The following GALNT13 variants were observed in gnomAD, a reference collection of about 807,000 sequenced individuals.
GALNT13 encodes polypeptide N-acetylgalactosaminyltransferase 13, also known as UDP-GalNAc:polypeptide N-acetylgalactosaminyltransferase 13.
GALNT13 carries 28 observed loss-of-function variants against 64.2 expected under a neutral mutation model. That is an observed-to-expected ratio of 0.44 (90% confidence interval 0.32 to 0.60). The LOEUF (loss-of-function observed/expected upper bound fraction) is 0.60, where lower values mean the gene tolerates loss of function less well. GALNT13 is among the 20% of genes least tolerant of loss of function. The pLI is 0.05. For missense variants in GALNT13, 577 were observed against 669.8 expected (o/e 0.86, Z 1.53); for synonymous variants, 214 against 224.6 (o/e 0.95, Z 0.42).
At chr2:154,432,006 T>A (rs1700733570) in intron 11 of GALNT13, among the ~76,000 whole-genome samples, 1 of 152,156 alleles carries the variant, frequency 6.6e-6, no homozygotes, top group South Asian at 2.1e-4. Flanking sequence ...GACTAAAACA[T>A]CATCTATGAA....
At chr2:153,414,387 A>T in the GALNT13 span, among the ~76,000 whole-genome samples, 12 of 144,128 alleles carry the variant, frequency 8.3e-5, no homozygotes, top group Admixed American at 6.8e-4. Context: ...AAATAAAAAT[A>T]AAAAAAAAAT....
the GALNT13 span, among the ~76,000 whole-genome samples, chr2:153,107,791 C>T: frequency 1.3e-5 from 2 of 152,004 alleles, no homozygotes; most frequent in Non-Finnish European, 2.9e-5. Context: ...AGAAATAGCT[C>T]CACATTGCAG....
chr2:153,824,699 A>T, the GALNT13 span, among the ~76,000 whole-genome samples: 1 of 152,124 alleles, frequency 6.6e-6, no homozygotes, highest in Non-Finnish European at 1.5e-5. Flanking sequence ...TTCAGTTATA[A>T]TTCCTAATGT....
At chr2:153,751,266 A>C in the GALNT13 span, among the ~76,000 whole-genome samples, 2 of 152,004 alleles carry the variant, frequency 1.3e-5, no homozygotes, top group African/African-American at 4.8e-5. Context: ...GTGCTGAGGA[A>C]AAGAATGCAT....
intron 4 of GALNT13, among the ~76,000 whole-genome samples, chr2:154,155,952 A>G (rs920533455): frequency 4.6e-5 from 7 of 152,012 alleles, no homozygotes; most frequent in Admixed American, 3.9e-4. Flanking sequence ...ACATATATTT[A>G]TGTATTGCAT....
chr2:154,354,898 G>A (rs1221859553), intron 9 of GALNT13, among the ~76,000 whole-genome samples: 1 of 151,498 alleles, frequency 6.6e-6, no homozygotes, highest in Non-Finnish European at 1.5e-5. Context: ...TCGAATGCCA[G>A]TGTTTCTATA....
chr2:153,431,385 CA>C, the GALNT13 span, among the ~76,000 whole-genome samples: 1 of 149,990 alleles, frequency 6.7e-6, no homozygotes, highest in Non-Finnish European at 1.5e-5. Flanking sequence ...AGATGTCTTT[CA>C]GCTAATAAAT....
At position 153,898,286 on chromosome 2, in the gene GALNT13, T is replaced by A. The variant is rs137972103; in HGVS notation, c.-176-2650T>A. On this transcript the variant is annotated intron_variant, in intron 1 of 12. Transcript: ENST00000392825. Reference sequence around the variant, plus strand: ...TTAGGTGTATATATTTTTTAGGATATGTGAACAGTTTCAGATTTAGGTGGC... The same window carrying A: ...TTAGGTGTATATATTTTTTAGGATAAGTGAACAGTTTCAGATTTAGGTGGC... Among the ~76,000 whole-genome samples the A allele has an allele frequency of 6.6e-5, 10 of 152,294 alleles. No homozygotes were observed. In the East Asian group the frequency reaches 1.9e-3, roughly 29 times the overall value.
intron 3 of GALNT13, among the ~76,000 whole-genome samples, chr2:153,972,820 T>G (rs1400908512): frequency 4.6e-5 from 7 of 152,072 alleles, no homozygotes; most frequent in Admixed American, 4.6e-4. Flanking sequence ...CTTACTAATT[T>G]AGGTAATTCA....
At chr2:153,455,255 T>C in the GALNT13 span, among the ~76,000 whole-genome samples, 1 of 152,174 alleles carries the variant, frequency 6.6e-6, no homozygotes, top group Non-Finnish European at 1.5e-5. Context: ...AAATTTAAAT[T>C]CAAGGAATAC....
the GALNT13 span, chr2:153,357,412 T>A: frequency 6.6e-6 from 1 of 152,360 alleles, no homozygotes; most frequent in East Asian, 1.9e-4. Flanking sequence ...AATGCTGACT[T>A]TCTATGTTAA....
At chr2:153,713,834 A>G in the GALNT13 span, among the ~76,000 whole-genome samples, 1 of 152,154 alleles carries the variant, frequency 6.6e-6, no homozygotes, top group Non-Finnish European at 1.5e-5. Context: ...CATCAATCAA[A>G]TAAAAACTGT....
At chr2:154,392,728 G>A (rs1034026467) in intron 9 of GALNT13, among the ~76,000 whole-genome samples, 10 of 152,152 alleles carry the variant, frequency 6.6e-5, no homozygotes, top group African/African-American at 1.7e-4. Flanking sequence ...TACACTTTTG[G>A]TCAGGGGAGT....
At chr2:154,082,787 G>C (rs1323882136) in intron 3 of GALNT13, among the ~76,000 whole-genome samples, 1 of 151,820 alleles carries the variant, frequency 6.6e-6, no homozygotes, top group African/African-American at 2.4e-5. Context: ...ATTTGTTTAA[G>C]TTCTTTGTAG....
chr2:153,820,669 A>G, the GALNT13 span, among the ~76,000 whole-genome samples: 2 of 152,178 alleles, frequency 1.3e-5, no homozygotes. Flanking sequence ...AAACACTTAG[A>G]AAATATGTTA....
the GALNT13 span, among the ~76,000 whole-genome samples, chr2:153,690,847 A>T: frequency 6.6e-6 from 1 of 152,178 alleles, no homozygotes; most frequent in African/African-American, 2.4e-5. Flanking sequence ...ATACTGCAGG[A>T]TGCTAAAGAC....
At chr2:153,456,813 G>T in the GALNT13 span, among the ~76,000 whole-genome samples, 5 of 152,184 alleles carry the variant, frequency 3.3e-5, no homozygotes, top group Non-Finnish European at 5.9e-5. Flanking sequence ...TCGCCTCAGA[G>T]CCTGGGTTGT....
At chr2:154,044,178 A>G (rs1699164629) in intron 3 of GALNT13, among the ~76,000 whole-genome samples, 4 of 152,198 alleles carry the variant, frequency 2.6e-5, no homozygotes, top group Admixed American at 2.6e-4. Flanking sequence ...AAAGAAGATG[A>G]TGAATATTAA....
the GALNT13 span, among the ~76,000 whole-genome samples, chr2:153,747,939 C>T: frequency 6.6e-6 from 1 of 152,108 alleles, no homozygotes; most frequent in African/African-American, 2.4e-5. Context: ...TAGATTGCTT[C>T]CAAATCCCAG....
Sources: allele counts gnomAD v4.1 joint callset (sites outside exome capture counted in the v4.1 genomes callset), GRCh38; gene constraint gnomAD v4.1.1; transcripts MANE v1.5; gene names NCBI Gene and HGNC (gene_info 2026-07-23, HGNC 2026-07-21).